The following MSRB3 variants were observed in gnomAD, a reference collection of about 807,000 sequenced individuals.
MSRB3 encodes the protein methionine sulfoxide reductase B3.
A neutral mutation model predicts 21.0 loss-of-function variants in MSRB3; 13 were observed. The ratio of observed to expected loss-of-function variants is 0.62; its 90% CI spans 0.40 to 0.98. The LOEUF is 0.98. MSRB3 is among the 50% of genes least tolerant of loss of function. The pLI, the probability that MSRB3 is intolerant of heterozygous loss-of-function variation, is 0.00. For missense variants in MSRB3, 199 were observed against 230.3 expected (o/e 0.86, Z 0.88); for synonymous variants, 87 against 88.6 (o/e 0.98, Z 0.10).
At chr12:65,457,537 A>G (rs920479313) in intron 6 of MSRB3, among the ~76,000 whole-genome samples, 1 of 152,158 alleles carries the variant, frequency 6.6e-6, no homozygotes. Flanking sequence ...ATGTCCCTGC[A>G]AAGGACATGA....
chr12:65,393,499 G>A (rs1215532130), intron 5 of MSRB3, among the ~76,000 whole-genome samples: 2 of 152,094 alleles, frequency 1.3e-5, no homozygotes, highest in African/African-American at 4.8e-5. Context: ...CAGGCATGGT[G>A]GTGGGCGCCT....
At chr12:65,437,702 C>T (rs1465533363) in intron 5 of MSRB3, among the ~76,000 whole-genome samples, 1 of 148,688 alleles carries the variant, frequency 6.7e-6, no homozygotes, top group Non-Finnish European at 1.5e-5. Context: ...TCCCTTTTGC[C>T]AGGGCAGAAG....
chr12:65,458,106 G>A (rs562238121), intron 6 of MSRB3, among the ~76,000 whole-genome samples: 2 of 152,264 alleles, frequency 1.3e-5, no homozygotes, highest in African/African-American at 4.8e-5. Flanking sequence ...ATCTAAATAC[G>A]AAGAACCTTT....
intron 5 of MSRB3, among the ~76,000 whole-genome samples, chr12:65,416,310 G>A (rs1366000657): frequency 1.3e-5 from 2 of 152,126 alleles, no homozygotes; most frequent in South Asian, 2.1e-4. Flanking sequence ...ACTTACCCTG[G>A]TTGTGATTCT....
At position 65,317,234 on chromosome 12, in the gene MSRB3, A is replaced by G. The variant is rs532649624; in HGVS notation, c.76+8579A>G. ...AACTTTCCCTTGTAAAATGGATCTC[A>G]TCATGAAATTGAGAAACCCTACATA... On this transcript the variant is annotated intron_variant, in intron 2 of 6. Transcript: ENST00000308259. Among the ~76,000 whole-genome samples the G allele has an allele frequency of 2.6e-5, 4 of 152,258 alleles. 1 individual carries two copies. Among genetic ancestry groups the G allele is most frequent in the African/African-American group, 7.2e-5 (3 of 41,566 alleles).
chr12:65,407,524 A>G (rs1267292550), intron 5 of MSRB3, among the ~76,000 whole-genome samples: 4 of 152,090 alleles, frequency 2.6e-5, no homozygotes, highest in African/African-American at 9.7e-5. Context: ...ATATTGCCAG[A>G]CATAGATTTT....
intron 4 of MSRB3, among the ~76,000 whole-genome samples, chr12:65,345,228 C>A (rs963115967): frequency 1.3e-5 from 2 of 151,952 alleles, no homozygotes; most frequent in Non-Finnish European, 2.9e-5. Context: ...TCAGTCTTCC[C>A]CAAAGTGTGT....
At chr12:65,365,757 C>G (rs898632823) in intron 4 of MSRB3, among the ~76,000 whole-genome samples, 1 of 152,022 alleles carries the variant, frequency 6.6e-6, no homozygotes. Context: ...GACACATACA[C>G]CTTATAATGA....
chr12:65,441,662 T>C (rs1475957098), intron 5 of MSRB3, among the ~76,000 whole-genome samples: 2 of 151,886 alleles, frequency 1.3e-5, no homozygotes, highest in African/African-American at 4.8e-5. Context: ...AAAAGCATAA[T>C]AAACAGTTAT....
At chr12:65,390,779 C>T (rs1592592260) in intron 5 of MSRB3, among the ~76,000 whole-genome samples, 1 of 152,178 alleles carries the variant, frequency 6.6e-6, no homozygotes, top group African/African-American at 2.4e-5. Context: ...AAATCCAAAT[C>T]CCTGTTGGAT....
At chr12:65,323,776 G>A (rs1874843234) in intron 2 of MSRB3, among the ~76,000 whole-genome samples, 1 of 152,172 alleles carries the variant, frequency 6.6e-6, no homozygotes, top group South Asian at 2.1e-4. Context: ...GGAAATAAGA[G>A]ACAAAAGTGA....
At chr12:65,293,279 C>T (rs1044704081) in intron 1 of MSRB3, among the ~76,000 whole-genome samples, 13 of 152,202 alleles carry the variant, frequency 8.5e-5, no homozygotes, top group African/African-American at 3.1e-4. Context: ...ACACCGCTCC[C>T]ATCCATTTTC....
At chr12:65,462,371 T>G (rs60493340) in intron 6 of MSRB3, among the ~76,000 whole-genome samples, 61,109 of 151,592 alleles carry the variant, frequency 0.4, 12,422 homozygotes, top group Middle Eastern at 0.53. Context: ...TCTCTGGGCT[T>G]TATTTCTCTC....
intron 5 of MSRB3, among the ~76,000 whole-genome samples, chr12:65,414,126 A>G (rs1255683853): frequency 6.6e-6 from 1 of 152,212 alleles, no homozygotes; most frequent in South Asian, 2.1e-4. Context: ...TGAGTAAAAC[A>G]GGAAACCACC....
chr12:65,346,488 C>A (rs1441778759), intron 4 of MSRB3, among the ~76,000 whole-genome samples: 2 of 152,024 alleles, frequency 1.3e-5, no homozygotes, highest in Non-Finnish European at 2.9e-5. Flanking sequence ...GATATTAGCC[C>A]TTTGTCAGAT....
chr12:65,458,205 T>C (rs930213711), intron 6 of MSRB3, among the ~76,000 whole-genome samples: 1 of 151,736 alleles, frequency 6.6e-6, no homozygotes, highest in African/African-American at 2.4e-5. Flanking sequence ...TATGGCAATA[T>C]TTCATTGTTC....
intron 1 of MSRB3, among the ~76,000 whole-genome samples, chr12:65,298,541 C>T (rs1440236984): frequency 6.6e-6 from 1 of 152,118 alleles, no homozygotes. Flanking sequence ...AGGACTTTTC[C>T]TCTCTCCTAA....
At chr12:65,411,618 T>C (rs1449163264) in intron 5 of MSRB3, among the ~76,000 whole-genome samples, 1 of 152,002 alleles carries the variant, frequency 6.6e-6, no homozygotes, top group East Asian at 1.9e-4. Flanking sequence ...CATTCAATCA[T>C]TCATGCCTTA....
At chr12:65,368,921 ACAC>A (rs1878162240) in intron 4 of MSRB3, 74 bp from the exon 5 acceptor site, 1 of 317,332 alleles carries the variant, frequency 3.2e-6, no homozygotes, top group African/African-American at 5.6e-5. Context: ...CCTCCCAACC[ACAC>A]CCCCCCCCCC....
Sources: allele counts gnomAD v4.1 joint callset (sites outside exome capture counted in the v4.1 genomes callset), GRCh38; gene constraint gnomAD v4.1.1; transcripts MANE v1.5; gene names NCBI Gene and HGNC (gene_info 2026-07-23, HGNC 2026-07-21).